ZNF716: variants seen among roughly 807,000 people sequenced by gnomAD.
ZNF716 encodes zinc finger protein 716.
In ZNF716, 9 loss-of-function variants were observed where a neutral mutation model predicts 13.4. The ratio of observed to expected loss-of-function variants is 0.67; its 90% confidence interval spans 0.41 to 1.18. The LOEUF (loss-of-function observed/expected upper bound fraction) is 1.18. Among genes scored for constraint, ZNF716 ranks in the 50% most tolerant of loss-of-function variants. The probability of loss-of-function intolerance (pLI) is 0.01; values close to 1 mark genes in which losing one functional copy is unlikely to be tolerated. For synonymous variants in ZNF716, 186 were observed against 195.2 expected, an observed-to-expected ratio of 0.95 and a Z score of 0.39; for missense variants, 581 against 576.6, an observed-to-expected ratio of 1.01 and a Z score of -0.08.
chr7:57,458,622 C>G (rs1304228553), intron 1 of ZNF716, among the ~76,000 whole-genome samples: 1 of 152,154 alleles, frequency 6.6e-6, no homozygotes, highest in Admixed American at 6.6e-5. Context: ...GGGGTTTCAC[C>G]ATGTTGGCCA....
At chr7:57,462,932 A>T in intron 2 of ZNF716, 141 bp from the exon 3 acceptor site, 1 of 1,248,570 alleles carries the variant, frequency 8.0e-7, no homozygotes, top group African/African-American at 1.5e-5. Flanking sequence ...AGTATTTTCT[A>T]AATAGCTACA....
intron 1 of ZNF716, among the ~76,000 whole-genome samples, chr7:57,455,043 T>C (rs1554322070): frequency 6.6e-6 from 1 of 151,682 alleles, no homozygotes; most frequent in African/African-American, 2.4e-5. Context: ...AAAAAAGTTC[T>C]GAATCCCAAC....
chr7:57,462,864 A>G (rs1465496007), intron 2 of ZNF716, among the ~76,000 whole-genome samples: 1 of 152,174 alleles, frequency 6.6e-6, no homozygotes, highest in African/African-American at 2.4e-5. Flanking sequence ...TTCAGTTCCT[A>G]CCACCAATTT....
chr7:57,458,681 A>G (rs1562675999), intron 1 of ZNF716, among the ~76,000 whole-genome samples: 1 of 152,210 alleles, frequency 6.6e-6, no homozygotes, highest in Non-Finnish European at 1.5e-5. Context: ...TCGGCCTCCC[A>G]GAGTGCTGGG....
intron 1 of ZNF716, among the ~76,000 whole-genome samples, chr7:57,452,812 T>G (rs1789521173): frequency 6.6e-6 from 1 of 152,108 alleles, no homozygotes; most frequent in African/African-American, 2.4e-5. Flanking sequence ...TTTTTCCTGG[T>G]TCTGGGTCTT....
chr7:57,458,510 C>T (rs1230604642), intron 1 of ZNF716, among the ~76,000 whole-genome samples: 1 of 151,964 alleles, frequency 6.6e-6, no homozygotes, highest in Non-Finnish European at 1.5e-5. Context: ...GCAACCTCTG[C>T]CTTCCAGATT....
chr7:57,451,962 T>A (rs781862336), intron 1 of ZNF716, among the ~76,000 whole-genome samples: 4 of 151,902 alleles, frequency 2.6e-5, no homozygotes, highest in Non-Finnish European at 4.4e-5. Flanking sequence ...AGATGGGGTT[T>A]CACCATTTTG....
At chr7:57,464,000 T>C (rs781894439) in intron 3 of ZNF716, among the ~76,000 whole-genome samples, 1 of 152,102 alleles carries the variant, frequency 6.6e-6, no homozygotes, top group Admixed American at 6.6e-5. Flanking sequence ...TGTTTTGTAT[T>C]GTGATTTTGT....
chr7:57,467,282 CAAT>C (rs1789833503), intron 3 of ZNF716, among the ~76,000 whole-genome samples: 1 of 151,996 alleles, frequency 6.6e-6, no homozygotes, highest in African/African-American at 2.4e-5. Flanking sequence ...CGCATGATCA[CAAT>C]AATGCCACAG....
rs1391458153 is a variant in ZNF716, at chr7:57,472,931, T to A, written c.*2982T>A. 1.3e-5 allele frequency: 2 copies of A among 152,178 alleles called. No homozygotes were observed. The highest frequency in any genetic ancestry group is 6.6e-5 in the Admixed American group (1 of 15,264). 9.4% of individuals were successfully genotyped at this position (152,178 alleles called of 1,614,324 possible). A position where few individuals can be genotyped will look rare whatever the true frequency, so the allele number is the denominator to read the frequency against. On this transcript the variant is annotated 3_prime_UTR_variant, in exon 4 of 4. Coordinates refer to ENST00000420713, the MANE Select transcript of ZNF716 (RefSeq NM_001159279.1). ...AACACATGCACATAATATTTAATGATCACAACAGAGTAAATGAGGCATTCA... is the reference window on the plus strand; with the variant it reads ...AACACATGCACATAATATTTAATGAACACAACAGAGTAAATGAGGCATTCA...
At position 57,471,654 on chromosome 7, in the gene ZNF716, GA is replaced by G. The variant is rs1233306238; in HGVS notation, c.*1707del. ...TTTATATTGGAGAGAAAGTGTAAAT[GA>G]ATGTCAAAAAATATTTGTTCAAAAA... On this transcript the variant is annotated 3_prime_UTR_variant, in exon 4 of 4. Coordinates refer to ENST00000420713, the MANE Select transcript of ZNF716 (RefSeq NM_001159279.1). The G allele has an allele frequency of 6.6e-6, 1 of 152,120 alleles. No individual in the cohort carries two copies. The highest frequency in any genetic ancestry group is 6.6e-5 in the Admixed American group (1 of 15,262). The allele number at this position is 152,120 out of a possible 1,614,324, so 9.4% of individuals were successfully genotyped here.
At chr7:57,456,203 C>G (rs1227841285) in intron 1 of ZNF716, among the ~76,000 whole-genome samples, 2 of 152,044 alleles carry the variant, frequency 1.3e-5, no homozygotes, top group East Asian at 3.9e-4. Context: ...ATCCACCCAC[C>G]TCGGCTTCCC....
intron 3 of ZNF716, 43 bp from the exon 4 acceptor site, chr7:57,468,681 G>C (rs1789855812): frequency 6.4e-7 from 1 of 1,553,754 alleles, no homozygotes; most frequent in African/African-American, 1.4e-5. Context: ...ATATTTATCT[G>C]AGTGTAGTAA....
intron 1 of ZNF716, among the ~76,000 whole-genome samples, chr7:57,455,025 C>CA (rs56899423): frequency 0.036 from 4,689 of 131,134 alleles, 256 homozygotes; most frequent in East Asian, 0.25. Context: ...GACTCCCTCT[C>CA]AAAAAAAAAA....
intron 1 of ZNF716, among the ~76,000 whole-genome samples, chr7:57,456,093 T>C (rs1341342190): frequency 1.3e-5 from 2 of 151,898 alleles, no homozygotes; most frequent in Non-Finnish European, 2.9e-5. Flanking sequence ...GTAGCTAGGA[T>C]TACAGGCACC....
At chr7:57,458,940 T>C (rs186410389) in intron 1 of ZNF716, among the ~76,000 whole-genome samples, 18 of 152,306 alleles carry the variant, frequency 1.2e-4, no homozygotes, top group Admixed American at 9.8e-4. Flanking sequence ...TTTTTATTCT[T>C]AACACTGCCT....
At chr7:57,461,119 A>G (rs78538135) in intron 1 of ZNF716, among the ~76,000 whole-genome samples, 2 of 150,816 alleles carry the variant, frequency 1.3e-5, no homozygotes, top group African/African-American at 4.9e-5. Context: ...AAAAAAAAAA[A>G]ATACAAAAAT....
intron 3 of ZNF716, 140 bp from the exon 4 acceptor site, chr7:57,468,584 T>G: frequency 1.2e-6 from 1 of 838,986 alleles, no homozygotes; most frequent in Non-Finnish European, 1.8e-6. Context: ...CATTTATACA[T>G]CTATGAAGGA....
Position 57,469,052 on chromosome 7 carries a change from T to C in ZNF716, c.591T>C (p.Leu197=). The change falls in exon 4 of 4, where the codon CTT becomes CTC. Residue 197 remains leucine (L), a synonymous_variant. Transcript: ENST00000420713. ...ACGATGGCAAATCATTTTGCATGCTTTCACGCCTAAATCAACATCAGATAA... is the reference window on the plus strand; with the variant it reads ...ACGATGGCAAATCATTTTGCATGCTCTCACGCCTAAATCAACATCAGATAA... The part of the protein sequence containing the change: ...CKNDGKSFCM[L]SRLNQHQIIH... 1 of 1,607,640 alleles carries C rather than the reference T, an allele frequency of 6.2e-7. No individual in the cohort carries two copies. Among genetic ancestry groups the C allele is most frequent in the Non-Finnish European group, 8.5e-7 (1 of 1,176,370 alleles).
Sources: gnomAD v4.1 joint callset for allele counts (sites outside exome capture counted in the v4.1 genomes callset) on GRCh38, gnomAD v4.1.1 for gene constraint, MANE v1.5 for transcripts, NCBI Gene and HGNC (gene_info 2026-07-23, HGNC 2026-07-21) for gene names.